Variants in CDHR2 observed in about 807,000 individuals in gnomAD.
The protein encoded by CDHR2 is cadherin-related family member 2.
A neutral mutation model predicts 138.6 loss-of-function variants in CDHR2; 104 were observed. The ratio of observed to expected loss-of-function variants is 0.75; its 90% CI spans 0.64 to 0.88. The LOEUF (loss-of-function observed/expected upper bound fraction) is 0.88, where lower values mean the gene tolerates loss of function less well. Among genes scored for constraint, CDHR2 ranks in the 40% least tolerant of loss-of-function variants. The pLI is 0.00. For missense variants in CDHR2, 1,624 were observed against 1,727.6 expected, an observed-to-expected ratio of 0.94 and a Z score of 1.06; for synonymous variants, 755 against 742.8, an observed-to-expected ratio of 1.02 and a Z score of -0.27.
chr5:176,592,102 GTGGTGA>G (rs1392432926), intron 30 of CDHR2, among the ~76,000 whole-genome samples: 1 of 114,090 alleles, frequency 8.8e-6, no homozygotes. Context: ...GGTGATGGTG[GTGGTGA>G]TGGTGATGGT....
chr5:176,577,672 C>G lies in CDHR2; in HGVS notation c.1386C>G (p.Ser462=). 6.2e-7 allele frequency: 1 copy of G among 1,614,230 alleles called. No homozygotes were observed. Among genetic ancestry groups the G allele is most frequent in the Non-Finnish European group, 8.5e-7 (1 of 1,180,038 alleles). The part of the protein sequence containing the change: ...VATDSVSQNF[S]VAMVTIHLRD... ...CAGACTCCGTCAGCCAGAACTTCTC[C>G]GTCGCCATGGTGACCATCCACCTTA... Residue 462 remains serine, a synonymous_variant, in exon 14 of 32, where the codon TCC becomes TCG. Coordinates refer to ENST00000261944, the MANE Select transcript of CDHR2 (RefSeq NM_017675.6).
intron 17 of CDHR2, among the ~76,000 whole-genome samples, chr5:176,583,657 G>T (rs1234298304): frequency 6.6e-6 from 1 of 152,222 alleles, no homozygotes; most frequent in Non-Finnish European, 1.5e-5. Context: ...GTCTGAGGCA[G>T]GAGCAGGTCT....
At chr5:176,544,344 T>C (rs1242094610), upstream of CDHR2, among the ~76,000 whole-genome samples, 2 of 148,414 alleles carry the variant, frequency 1.3e-5, no homozygotes, top group African/African-American at 5.0e-5. Context: ...TTCCTTCCTT[T>C]CTTTTTTCTT....
Position 176,591,306 on chromosome 5 carries a change from C to T in CDHR2, c.3636C>T (p.Asn1212=), listed in dbSNP as rs773108924. Residue 1212 remains asparagine (N), a synonymous_variant, in exon 29 of 32, where the codon AAC becomes AAT. Coordinates refer to ENST00000261944, the MANE Select transcript of CDHR2 (RefSeq NM_017675.6). ...MPSAPAIPGT[N]MYNTERANPM... ...CAGCCCCTGCCATCCCAGGGACTAACATGTACAACACTGAGCGGTGAGCAG... is the reference window on the plus strand; with the variant it reads ...CAGCCCCTGCCATCCCAGGGACTAATATGTACAACACTGAGCGGTGAGCAG... The T allele has an allele frequency of 3.1e-6, 5 of 1,613,736 alleles. No homozygotes were observed. The South Asian group carries it at 4.4e-5, about 14-fold the overall frequency.
At chr5:176,573,927 C>T (rs1167248512) in intron 6 of CDHR2, among the ~76,000 whole-genome samples, 156 bp from the exon 7 acceptor site, 1 of 152,082 alleles carries the variant, frequency 6.6e-6, no homozygotes, top group Admixed American at 6.5e-5. Context: ...CCCCGCACCC[C>T]CAGGTGCCTT....
chr5:176,560,320 CA>C (rs1342988385), intron 1 of CDHR2, among the ~76,000 whole-genome samples: 4 of 151,932 alleles, frequency 2.6e-5, no homozygotes, highest in African/African-American at 9.7e-5. Context: ...CACTTGAACC[CA>C]GGGGGTGGAG....
In CDHR2 at chr5:176,565,671, G is replaced by T; in HGVS notation, c.53-1G>T. The T allele has an allele frequency of 6.2e-7, 1 of 1,613,630 alleles. No individual in the cohort carries two copies. Among genetic ancestry groups the T allele is most frequent in the Non-Finnish European group, 8.5e-7 (1 of 1,179,682 alleles). On this transcript the variant is annotated splice_acceptor_variant, in intron 2 of 31. Coordinates refer to ENST00000261944, the MANE Select transcript of CDHR2 (RefSeq NM_017675.6). LOFTEE classifies it high-confidence loss of function. The stretch of plus-strand genomic sequence containing the variant: ...TGTTCCAGCACACTGTGTCCCTACA[G>T]TGGCAGCCAACGTGGCCCCGAAGTT...
intron 1 of CDHR2, among the ~76,000 whole-genome samples, chr5:176,561,028 G>A (rs6887813): frequency 0.11 from 17,237 of 152,166 alleles, 1,973 homozygotes; most frequent in African/African-American, 0.3. Flanking sequence ...TGCTGGCCAG[G>A]GCAGAGTTCT....
At chr5:176,562,112 C>T (rs980376932) in intron 1 of CDHR2, among the ~76,000 whole-genome samples, 4 of 151,664 alleles carry the variant, frequency 2.6e-5, no homozygotes, top group East Asian at 1.9e-4. Context: ...CTGGAGTGGT[C>T]GAGGGTAGTC....
chr5:176,588,356 AGT>A (rs956645085), intron 21 of CDHR2, among the ~76,000 whole-genome samples: 3 of 133,532 alleles, frequency 2.2e-5, no homozygotes, highest in African/African-American at 9.3e-5. Flanking sequence ...GTGTGAATTG[AGT>A]GTATTTGTGT....
At chr5:176,569,959 C>CAAAAA (rs67181310) in intron 5 of CDHR2, among the ~76,000 whole-genome samples, 30,940 of 140,280 alleles carry the variant, frequency 0.22, 3,429 homozygotes, top group East Asian at 0.46. Context: ...GACTCCGTCT[C>CAAAAA]AAAAAAAAAA....
intron 31 of CDHR2, among the ~76,000 whole-genome samples, chr5:176,595,169 A>G (rs1758993691): frequency 6.6e-6 from 1 of 152,144 alleles, no homozygotes; most frequent in Non-Finnish European, 1.5e-5. Context: ...ACCTCAACCC[A>G]CACGGTGCCT....
intron 1 of CDHR2, among the ~76,000 whole-genome samples, chr5:176,564,207 A>G (rs1758030692): frequency 6.6e-6 from 1 of 151,728 alleles, no homozygotes; most frequent in African/African-American, 2.4e-5. Context: ...TTTTTTTGAG[A>G]CGGAGTCTCA....
rs934584631 is a variant in CDHR2 at position 176,590,685 on chromosome 5, G to C, written c.3537G>C (p.Lys1179Asn). 3 of 1,613,092 alleles carry C rather than the reference G, an allele frequency of 1.9e-6. No homozygotes were observed. Among genetic ancestry groups the C allele is most frequent in the Non-Finnish European group, 2.5e-6 (3 of 1,180,004 alleles). ...IMTMAFVCVR[K>N]SYNRKLQAMK... The stretch of plus-strand genomic sequence containing the variant: ...CCATGGCCTTCGTGTGTGTGCGGAA[G>C]AGGTGCGGCTCCCATTGCCCCCGTG... Residue 1179 changes from lysine to asparagine, a missense_variant and splice_region_variant, in exon 28 of 32, where the codon AAG becomes AAC. Lys to Asn is a moderately conservative substitution (Grantham distance 94). Transcript: ENST00000261944.
At chr5:176,589,805 A>G (rs959132739) in intron 24 of CDHR2, among the ~76,000 whole-genome samples, 189 bp downstream of exon 24, 3 of 152,190 alleles carry the variant, frequency 2.0e-5, no homozygotes, top group African/African-American at 7.2e-5. Flanking sequence ...TACCCAGCCA[A>G]GGGCAGAGGG....
At chr5:176,551,762 C>T (rs1355160752) in intron 1 of CDHR2, among the ~76,000 whole-genome samples, 16 of 138,450 alleles carry the variant, frequency 1.2e-4, no homozygotes, top group Non-Finnish European at 2.1e-4. Context: ...AGTGCAGTAG[C>T]GGCATCTCGG....
At chr5:176,571,401 G>A in intron 6 of CDHR2, 99 bp downstream of exon 6, 2 of 763,186 alleles carry the variant, frequency 2.6e-6, no homozygotes, top group Non-Finnish European at 4.0e-6. Flanking sequence ...TTCAGAGTTG[G>A]GAAAAACCTC....
intron 1 of CDHR2, among the ~76,000 whole-genome samples, chr5:176,551,425 G>T (rs146685212): frequency 2.6e-5 from 4 of 152,310 alleles, no homozygotes; most frequent in Admixed American, 2.0e-4. Context: ...AGTAGTGGCC[G>T]GAGGGCTTGA....
chr5:176,592,702 G>A (rs373259345), intron 30 of CDHR2, 21 bp from the exon 31 acceptor site: 95 of 1,612,718 alleles, frequency 5.9e-5, no homozygotes, highest in Non-Finnish European at 7.2e-5. Flanking sequence ...CAACACCTGA[G>A]CTCCATCACC....
Sources: gnomAD v4.1 joint callset for allele counts (sites outside exome capture counted in the v4.1 genomes callset) on GRCh38, gnomAD v4.1.1 for gene constraint, MANE v1.5 for transcripts, NCBI Gene and HGNC (gene_info 2026-07-23, HGNC 2026-07-21) for gene names.